The following ASPH variants were observed in gnomAD, a reference collection of about 807,000 sequenced individuals.
The protein encoded by ASPH is aspartyl/asparaginyl beta-hydroxylase.
In ASPH, 100 loss-of-function variants were observed where a neutral mutation model predicts 118.4. The ratio of observed to expected loss-of-function variants is 0.84; its 90% CI spans 0.72 to 1.00. The LOEUF is 1.00. Ranked by LOEUF, ASPH falls within the 50% of genes least tolerant of loss-of-function variation. The pLI is 0.00. For missense variants in ASPH, 920 were observed against 919.5 expected (o/e 1.00, Z -0.01); for synonymous variants, 315 against 325.6 (o/e 0.97, Z 0.35).
At chr8:61,624,724 AC>A in intron 13 of ASPH, 1 of 985,796 alleles carries the variant, frequency 1.0e-6, no homozygotes, top group African/African-American at 1.7e-5. Context: ...CCAGAGTTCT[AC>A]AAAAATCCAG....
chr8:61,566,539 A>C (rs1831750801), intron 17 of ASPH, among the ~76,000 whole-genome samples: 1 of 152,264 alleles, frequency 6.6e-6, no homozygotes, highest in Non-Finnish European at 1.5e-5. Context: ...GATTGACTCC[A>C]ATTTTGAAAA....
chr8:61,514,900 G>A (rs1586333846), intron 24 of ASPH, among the ~76,000 whole-genome samples: 1 of 151,584 alleles, frequency 6.6e-6, no homozygotes, highest in Non-Finnish European at 1.5e-5. Flanking sequence ...TTTGTTCCAA[G>A]TATCTACAAG....
At chr8:61,663,487 C>T (rs1161967982) in intron 3 of ASPH, 6 of 985,268 alleles carry the variant, frequency 6.1e-6, no homozygotes, top group Admixed American at 6.2e-5. Flanking sequence ...AGGCAGAAAC[C>T]AGCACAGTTA....
chr8:61,689,765 C>A, intron 1 of ASPH: 1 of 1,527,938 alleles, frequency 6.5e-7, no homozygotes, highest in Non-Finnish European at 8.8e-7. Flanking sequence ...GTACTGCTGG[C>A]AGGTTTTAGG....
chr8:61,556,069 G>T, intron 18 of ASPH, 47 bp from the exon 19 acceptor site: 1 of 1,533,130 alleles, frequency 6.5e-7, no homozygotes, highest in Non-Finnish European at 9.0e-7. Context: ...AAACATAGGT[G>T]ATTGCTTAGA....
intron 24 of ASPH, among the ~76,000 whole-genome samples, chr8:61,512,528 C>A (rs1363579116): frequency 6.6e-6 from 1 of 152,104 alleles, no homozygotes; most frequent in African/African-American, 2.4e-5. Flanking sequence ...CTGCCAACAC[C>A]CTAATTTTAT....
At chr8:61,552,552 A>C (rs1012726188) in intron 20 of ASPH, among the ~76,000 whole-genome samples, 1 of 152,268 alleles carries the variant, frequency 6.6e-6, no homozygotes, top group Non-Finnish European at 1.5e-5. Context: ...CAGCTGATAA[A>C]GACTTCATTC....
At position 61,675,203 on chromosome 8, in the gene ASPH, GC is replaced by G. The variant is rs1319514524; in HGVS notation, c.322+5764del. The G allele has an allele frequency of 7.3e-5, 47 of 645,154 alleles. No homozygotes were observed. In the African/African-American group the frequency reaches 8.1e-4, roughly 11 times the overall value. 40.0% of individuals were successfully genotyped at this position (645,154 alleles called of 1,614,324 possible). A position where few individuals can be genotyped will look rare whatever the true frequency, so the allele number is the denominator to read the frequency against. ...ATTCTAAAAATCACATTACATCTAAGCCAAAATCAATATCCAATTAATAAGT... is the reference window on the plus strand; with the variant it reads ...ATTCTAAAAATCACATTACATCTAAGCAAAATCAATATCCAATTAATAAGT... On this transcript the variant is annotated intron_variant, in intron 3 of 24. Coordinates refer to ENST00000379454, the MANE Select transcript of ASPH (RefSeq NM_004318.4).
intron 24 of ASPH, among the ~76,000 whole-genome samples, chr8:61,508,488 C>A (rs562840092): frequency 6.6e-5 from 10 of 152,220 alleles, no homozygotes; most frequent in East Asian, 3.9e-4. Context: ...TATTTAATAA[C>A]TATAATTTGG....
chr8:61,665,902 G>A lies in ASPH; in HGVS notation c.323-12242C>T, dbSNP rs77854454. Among the ~76,000 whole-genome samples the A allele has an allele frequency of 1.6e-3, 245 of 152,128 alleles. 1 individual carries two copies. The highest frequency in any genetic ancestry group is 5.6e-3 in the African/African-American group (231 of 41,504). Reference sequence around the variant, plus strand: ...TTATAAAATTGAGGGCACCACGAAGGCAGTGCTTTGCACAAAGTATTAACT... The same window carrying A: ...TTATAAAATTGAGGGCACCACGAAGACAGTGCTTTGCACAAAGTATTAACT... On this transcript the variant is annotated intron_variant, in intron 3 of 24. Transcript: ENST00000379454.
chr8:61,683,718 T>C (rs905038717), intron 2 of ASPH: 1 of 184,346 alleles, frequency 5.4e-6, no homozygotes, highest in Non-Finnish European at 1.1e-5. Context: ...TTTTTAAAAT[T>C]TATAATATAA....
intron 3 of ASPH, chr8:61,664,303 T>C: frequency 2.1e-6 from 2 of 968,758 alleles, no homozygotes; most frequent in South Asian, 9.5e-5. Context: ...ATATGAAAAA[T>C]GTATGCCATT....
intron 1 of ASPH, among the ~76,000 whole-genome samples, chr8:61,705,359 C>A (rs2151895741): frequency 6.6e-6 from 1 of 152,034 alleles, no homozygotes; most frequent in East Asian, 1.9e-4. Context: ...TGCAATTTAC[C>A]CATATAACAA....
intron 18 of ASPH, among the ~76,000 whole-genome samples, chr8:61,561,744 G>A (rs746876118): frequency 3.3e-5 from 5 of 151,774 alleles, no homozygotes; most frequent in Non-Finnish European, 5.9e-5. Context: ...GATATCATAG[G>A]AAGACCTCAC....
At chr8:61,689,581 CA>C in intron 1 of ASPH, 4 of 1,330,478 alleles carry the variant, frequency 3.0e-6, no homozygotes, top group South Asian at 1.3e-5. Context: ...AGCACTTAGC[CA>C]AAAATATTTT....
At chr8:61,572,890 C>T (rs535766871) in intron 16 of ASPH, among the ~76,000 whole-genome samples, 82 of 152,146 alleles carry the variant, frequency 5.4e-4, no homozygotes, top group Middle Eastern at 3.4e-3. Context: ...AGAAATAAAG[C>T]GTATTCAAAT....
intron 3 of ASPH, chr8:61,660,989 T>C (rs1361795517): frequency 6.6e-6 from 1 of 152,224 alleles, no homozygotes; most frequent in Non-Finnish European, 1.5e-5. Context: ...GATTGTACCA[T>C]ATACTTAAGG....
At chr8:61,615,367 T>C (rs185137051) in intron 14 of ASPH, among the ~76,000 whole-genome samples, 21 of 152,286 alleles carry the variant, frequency 1.4e-4, no homozygotes, top group Non-Finnish European at 2.8e-4. Context: ...GCTCATTCTG[T>C]TTTCCTTTCC....
At chr8:61,520,903 G>A (rs1263717898) in intron 22 of ASPH, among the ~76,000 whole-genome samples, 1 of 152,230 alleles carries the variant, frequency 6.6e-6, no homozygotes, top group African/African-American at 2.4e-5. Context: ...GTGTCCCTGA[G>A]ATTTTCAAGG....
Sources: gnomAD v4.1 joint callset for allele counts (sites outside exome capture counted in the v4.1 genomes callset) on GRCh38, gnomAD v4.1.1 for gene constraint, MANE v1.5 for transcripts, NCBI Gene and HGNC (gene_info 2026-07-23, HGNC 2026-07-21) for gene names.